Variants in PDE1C observed in about 807,000 individuals in gnomAD.
PDE1C encodes the protein phosphodiesterase 1C.
In PDE1C, 62 loss-of-function variants were observed where a neutral mutation model predicts 93.1. The observed-to-expected ratio is 0.67, with a 90% confidence interval of 0.54 to 0.82. PDE1C has a LOEUF of 0.82. Ranked by LOEUF, PDE1C falls within the 40% of genes least tolerant of loss-of-function variation. PDE1C has a pLI of 0.00. For synonymous variants in PDE1C, 325 were observed against 310.1 expected (o/e 1.05, Z -0.50); for missense variants, 742 against 884.6 (o/e 0.84, Z 2.04).
chr7:31,694,602 A>G, the PDE1C span, among the ~76,000 whole-genome samples: 2 of 152,138 alleles, frequency 1.3e-5, no homozygotes, highest in African/African-American at 2.4e-5. Context: ...AAAATTACAA[A>G]AAGACTATAA....
In PDE1C at chr7:31,910,787, T is replaced by C. The variant is rs548968774; in HGVS notation, c.129-29927A>G. Among the ~76,000 whole-genome samples the C allele has an allele frequency of 2.0e-5, 3 of 152,230 alleles. No homozygotes were observed. In the East Asian group the frequency reaches 5.8e-4, roughly 29 times the overall value. ...TTTCCTCCTCTGTCAAGGGGGAAAA[T>C]AGCAGCTTTATCTAATGTAGTTGGT... On this transcript the variant is annotated intron_variant, in intron 2 of 17. Coordinates refer to ENST00000396191, the MANE Select transcript of PDE1C (RefSeq NM_001191057.4).
chr7:31,739,984 G>T, the PDE1C span, among the ~76,000 whole-genome samples: 1 of 152,130 alleles, frequency 6.6e-6, no homozygotes, highest in Non-Finnish European at 1.5e-5. Flanking sequence ...AAACCGATCT[G>T]CCTGAGAACT....
chr7:32,225,155 C>A (rs1303013421), intron 1 of PDE1C, among the ~76,000 whole-genome samples: 1 of 152,162 alleles, frequency 6.6e-6, no homozygotes, highest in Non-Finnish European at 1.5e-5. Context: ...GGCAACCTGG[C>A]TGGATTTGTT....
intron 1 of PDE1C, among the ~76,000 whole-genome samples, chr7:32,387,876 CCGG>C (rs1465061544): frequency 7.8e-6 from 1 of 127,700 alleles, no homozygotes; most frequent in African/African-American, 3.4e-5. Flanking sequence ...CTCCCCCCTC[CCGG>C]ACGGGGCGGC....
chr7:32,005,124 T>C (rs1044084406), intron 2 of PDE1C, among the ~76,000 whole-genome samples: 1 of 152,188 alleles, frequency 6.6e-6, no homozygotes, highest in Non-Finnish European at 1.5e-5. Context: ...CTTTAAAACA[T>C]TGAACTTCAG....
chr7:32,264,993 C>A (rs1213505849), intron 1 of PDE1C, among the ~76,000 whole-genome samples: 1 of 152,144 alleles, frequency 6.6e-6, no homozygotes, highest in East Asian at 1.9e-4. Flanking sequence ...ATGGCTTTGC[C>A]AAGAAGCAAT....
intron 11 of PDE1C, 74 bp downstream of exon 11, chr7:31,837,106 T>C (rs192813405): frequency 6.8e-7 from 1 of 1,470,178 alleles, no homozygotes; most frequent in East Asian, 2.3e-5. Context: ...GTCCTTATCC[T>C]AGCATTGCTG....
chr7:32,418,342 TA>T (rs1193948287), intron 1 of PDE1C, among the ~76,000 whole-genome samples: 1 of 152,230 alleles, frequency 6.6e-6, no homozygotes, highest in African/African-American at 2.4e-5. Flanking sequence ...CAACCTCAGA[TA>T]ATTCCCCAAG....
intron 16 of PDE1C, among the ~76,000 whole-genome samples, chr7:31,800,572 T>C (rs1188923005): frequency 6.6e-6 from 1 of 151,470 alleles, no homozygotes; most frequent in Admixed American, 6.6e-5. Flanking sequence ...TTGGAGTATC[T>C]AAGCTATTCT....
intron 2 of PDE1C, among the ~76,000 whole-genome samples, chr7:31,994,494 G>T (rs1784492699): frequency 6.6e-6 from 1 of 152,128 alleles, no homozygotes; most frequent in South Asian, 2.1e-4. Flanking sequence ...ATAAGTGCAA[G>T]ATTTTAAATA....
chr7:32,291,944 T>C (rs1812358436), intron 1 of PDE1C, among the ~76,000 whole-genome samples: 2 of 152,254 alleles, frequency 1.3e-5, no homozygotes, highest in African/African-American at 4.8e-5. Flanking sequence ...ACCCCATCTC[T>C]GAGTCCAGTA....
Position 32,095,888 on chromosome 7 carries a change from A to G in PDE1C, c.308+73897T>C, listed in dbSNP as rs142689422. The stretch of plus-strand genomic sequence containing the variant: ...GAATGATGTGAGGTCCCCCACATCT[A>G]GCTCCTCTCCAGTCTCAACAGGTGC... On this transcript the variant is annotated intron_variant, in intron 3 of 18. Transcript: ENST00000396193. Among the ~76,000 whole-genome samples the G allele has an allele frequency of 8.1e-3, 1,230 of 152,286 alleles. 15 individuals carry two copies. Among genetic ancestry groups the G allele is most frequent in the African/African-American group, 0.028 (1,161 of 41,560 alleles).
intron 15 of PDE1C, among the ~76,000 whole-genome samples, chr7:31,810,079 T>C (rs1260925553): frequency 6.6e-6 from 1 of 152,108 alleles, no homozygotes; most frequent in Non-Finnish European, 1.5e-5. Context: ...GCCAGAAATA[T>C]TTTCTCTCTG....
chr7:32,362,933 A>T (rs531108107), intron 1 of PDE1C, among the ~76,000 whole-genome samples: 2 of 152,342 alleles, frequency 1.3e-5, no homozygotes, highest in Admixed American at 6.5e-5. Flanking sequence ...GGATCATCCT[A>T]TCCATTCCGG....
At chr7:31,813,838 C>T (rs888996748) in intron 15 of PDE1C, among the ~76,000 whole-genome samples, 1 of 151,916 alleles carries the variant, frequency 6.6e-6, no homozygotes, top group African/African-American at 2.4e-5. Context: ...TCCCCAAAGT[C>T]CACTGTATCA....
intron 1 of PDE1C, among the ~76,000 whole-genome samples, chr7:32,398,211 G>A (rs1394066658): frequency 2.6e-5 from 4 of 151,256 alleles, no homozygotes; most frequent in Non-Finnish European, 5.9e-5. Flanking sequence ...TACTCAGGAG[G>A]CTGAGGCAGG....
chr7:31,969,332 G>A (rs1810549953), intron 2 of PDE1C, among the ~76,000 whole-genome samples: 1 of 152,094 alleles, frequency 6.6e-6, no homozygotes, highest in African/African-American at 2.4e-5. Context: ...ATGGGTGAAG[G>A]ATATGAACAG....
intron 2 of PDE1C, among the ~76,000 whole-genome samples, chr7:31,927,893 T>C (rs1456028204): frequency 6.6e-6 from 1 of 152,080 alleles, no homozygotes; most frequent in African/African-American, 2.4e-5. Flanking sequence ...CTCCAAATGA[T>C]TGCAATTCCT....
chr7:31,645,439 A>C, the PDE1C span, among the ~76,000 whole-genome samples: 1 of 152,216 alleles, frequency 6.6e-6, no homozygotes. Context: ...GGTAAGAGAA[A>C]GCTTCATTTA....
Sources: allele counts gnomAD v4.1 joint callset (sites outside exome capture counted in the v4.1 genomes callset), GRCh38; gene constraint gnomAD v4.1.1; transcripts MANE v1.5; gene names NCBI Gene and HGNC (gene_info 2026-07-23, HGNC 2026-07-21).